FLT1: variants seen among roughly 807,000 people sequenced by gnomAD.
FLT1 encodes the protein fms related receptor tyrosine kinase 1, also known as vascular endothelial growth factor receptor 1.
Under a neutral mutation model 156.3 loss-of-function variants are expected in FLT1, and 49 were observed. That is an observed-to-expected ratio of 0.31 (90% CI 0.25 to 0.40). The LOEUF is 0.40. Ranked by LOEUF, FLT1 falls within the 10% of genes least tolerant of loss-of-function variation. The pLI, the probability that FLT1 is intolerant of heterozygous loss-of-function variation, is 1.00. For synonymous variants in FLT1, 594 were observed against 583.8 expected (o/e 1.02, Z -0.25); for missense variants, 1,322 against 1,637.2 (o/e 0.81, Z 3.32).
At chr13:28,351,370 T>C (rs975051334) in intron 15 of FLT1, among the ~76,000 whole-genome samples, 1 of 152,208 alleles carries the variant, frequency 6.6e-6, no homozygotes, top group Non-Finnish European at 1.5e-5. Flanking sequence ...AATAAAGATT[T>C]AGGTATGAAC....
rs767736901 is a variant in FLT1, at chr13:28,427,774, G to A, written c.1254C>T (p.Leu418=). 3.1e-6 allele frequency: 5 copies of A among 1,613,944 alleles called. No homozygotes were observed. Among genetic ancestry groups the A allele is most frequent in the Non-Finnish European group, 4.2e-6 (5 of 1,179,858 alleles). ...TACCATTGACAATTAGAGTGGCAGT[G>A]AGGTTTTTAAACACATTTGACTGTT... ...SIKQSNVFKN[L]TATLIVNVKP... Residue 418 remains leucine, a synonymous_variant, in exon 9 of 30, where the codon CTC becomes CTT. Transcript: ENST00000282397.
At chr13:28,351,381 G>T (rs977198141) in intron 15 of FLT1, among the ~76,000 whole-genome samples, 1 of 152,142 alleles carries the variant, frequency 6.6e-6, no homozygotes, top group Non-Finnish European at 1.5e-5. Context: ...AGGTATGAAC[G>T]AGAAGAAAAT....
intron 16 of FLT1, among the ~76,000 whole-genome samples, chr13:28,342,179 G>A (rs994093908): frequency 6.6e-6 from 1 of 152,064 alleles, no homozygotes; most frequent in African/African-American, 2.4e-5. Context: ...CACCGTGCCC[G>A]GCCCCTTTCC....
intron 13 of FLT1, 60 bp from the exon 14 acceptor site, chr13:28,385,091 G>T: frequency 3.9e-6 from 6 of 1,527,508 alleles, no homozygotes; most frequent in Non-Finnish European, 5.4e-6. Context: ...TATTGTCTAT[G>T]CATATCAACA....
At chr13:28,372,582 A>ATG (rs1873663157) in intron 14 of FLT1, among the ~76,000 whole-genome samples, 1 of 129,542 alleles carries the variant, frequency 7.7e-6, no homozygotes, top group Non-Finnish European at 1.7e-5. Context: ...ATATATATAT[A>ATG]TATATATATA....
chr13:28,314,595 T>C (rs943843247), intron 25 of FLT1, among the ~76,000 whole-genome samples: 1 of 152,158 alleles, frequency 6.6e-6, no homozygotes, highest in African/African-American at 2.4e-5. Context: ...CTTTCCAAGC[T>C]ATCACCCAAG....
Position 28,306,808 on chromosome 13 carries a change from G to A in FLT1, c.3721-36C>T, listed in dbSNP as rs370036546. The A allele has an allele frequency of 8.5e-6, 12 of 1,409,456 alleles. No homozygotes were observed. The African/African-American group carries it at 1.7e-4, about 20-fold the overall frequency. The allele number at this position is 1,409,456 out of a possible 1,614,324, so 87.3% of individuals were successfully genotyped here. A position where few individuals can be genotyped will look rare whatever the true frequency, so the allele number is the denominator to read the frequency against. Reference sequence around the variant, plus strand: ...AAGGAGAAAGGTTATACTCTTGCCTGGCCCAGCGGGGGTCCATGCTGAGCC... The same window carrying A: ...AAGGAGAAAGGTTATACTCTTGCCTAGCCCAGCGGGGGTCCATGCTGAGCC... On this transcript the variant is annotated intron_variant, in intron 28 of 29. Transcript: ENST00000282397.
At chr13:28,304,407 C>T (rs720661) in intron 29 of FLT1, among the ~76,000 whole-genome samples, 14,525 of 152,110 alleles carry the variant, frequency 0.095, 2,285 homozygotes, top group African/African-American at 0.33. Context: ...TTACTTGTGG[C>T]CGATGAGTTG....
intron 14 of FLT1, among the ~76,000 whole-genome samples, chr13:28,360,550 C>T (rs1593707928): frequency 6.6e-6 from 1 of 152,068 alleles, no homozygotes; most frequent in Non-Finnish European, 1.5e-5. Context: ...TATGGATGAA[C>T]CTAGAGGACA....
At chr13:28,317,040 A>G (rs934386668) in intron 25 of FLT1, among the ~76,000 whole-genome samples, 6 of 152,176 alleles carry the variant, frequency 3.9e-5, no homozygotes, top group African/African-American at 1.4e-4. Flanking sequence ...TGCAGACCAC[A>G]TCAACCCCCT....
intron 1 of FLT1, among the ~76,000 whole-genome samples, chr13:28,482,175 C>A (rs1469131358): frequency 1.3e-5 from 2 of 152,106 alleles, no homozygotes; most frequent in Non-Finnish European, 2.9e-5. Flanking sequence ...CAGACCTCGC[C>A]GGGTGTGGTG....
At chr13:28,426,051 TG>T (rs1265893599) in intron 10 of FLT1, among the ~76,000 whole-genome samples, 1 of 151,988 alleles carries the variant, frequency 6.6e-6, no homozygotes, top group Non-Finnish European at 1.5e-5. Context: ...GTTGGAATTG[TG>T]GGAAGAATCT....
chr13:28,474,485 GACACACACACACAC>G (rs57021123), intron 1 of FLT1, among the ~76,000 whole-genome samples: 5 of 112,468 alleles, frequency 4.4e-5, no homozygotes, highest in Admixed American at 2.9e-4. Flanking sequence ...AACAACCACA[GACACACACACACAC>G]ACACACACAC....
intron 3 of FLT1, among the ~76,000 whole-genome samples, chr13:28,465,379 C>T (rs761775085): frequency 9.2e-5 from 14 of 152,212 alleles, no homozygotes; most frequent in South Asian, 2.1e-4. Context: ...TTTGGAGGAT[C>T]GGGGACATGA....
intron 12 of FLT1, among the ~76,000 whole-genome samples, chr13:28,393,332 C>A (rs1038810285): frequency 3.3e-5 from 5 of 152,036 alleles, no homozygotes; most frequent in African/African-American, 1.2e-4. Context: ...AAGGGACAAG[C>A]ATAGGAATTT....
At position 28,494,923 on chromosome 13, in the gene FLT1, G is replaced by C. The variant is rs1881682390; in HGVS notation, c.-80C>G. On this transcript the variant is annotated 5_prime_UTR_variant, in exon 1 of 30. Coordinates refer to ENST00000282397, the MANE Select transcript of FLT1 (RefSeq NM_002019.4). ...CCCGGCCGCCAGAGTCCGTCCTCTC[G>C]TTCGCCGCCGCCGGCCCCGCGCCCT... 1 of 1,163,866 alleles carries C rather than the reference G, an allele frequency of 8.6e-7. No homozygotes were observed. Among genetic ancestry groups the C allele is most frequent in the Non-Finnish European group, 1.2e-6 (1 of 855,870 alleles). 72.1% of individuals were successfully genotyped at this position (1,163,866 alleles called of 1,614,324 possible).
At chr13:28,305,803 TTG>T (rs773333791) in intron 29 of FLT1, among the ~76,000 whole-genome samples, 6 of 152,208 alleles carry the variant, frequency 3.9e-5, no homozygotes, top group Non-Finnish European at 8.8e-5. Context: ...TTACCAGCGA[TTG>T]TCAGTGTCCG....
intron 14 of FLT1, chr13:28,368,173 G>A (rs751218934): frequency 3.9e-5 from 20 of 506,480 alleles, no homozygotes; most frequent in Non-Finnish European, 5.0e-5. Flanking sequence ...TGTTTTTTGA[G>A]ACGGAGTTTC....
In FLT1 at chr13:28,312,032, C is replaced by G. The variant is rs372303417; in HGVS notation, c.3453G>C (p.Val1151=). ...CTTGAAGCAAATCACCTAGTTTTTC[C>G]ACAAGTTCTGCAAATCTTGGCCTTT... ...PKERPRFAEL[V]EKLGDLLQAN... is the part of the protein sequence containing the mutation. Residue 1151 remains valine, a synonymous_variant, in exon 26 of 30, where the codon GTG becomes GTC. Coordinates refer to ENST00000282397, the MANE Select transcript of FLT1 (RefSeq NM_002019.4). 3.0e-5 allele frequency: 49 copies of G among 1,613,626 alleles called. No individual in the cohort carries two copies. The highest frequency in any genetic ancestry group is 4.0e-5 in the Non-Finnish European group (47 of 1,179,908).
Sources: allele counts gnomAD v4.1 joint callset (sites outside exome capture counted in the v4.1 genomes callset), GRCh38; gene constraint gnomAD v4.1.1; transcripts MANE v1.5; gene names NCBI Gene and HGNC (gene_info 2026-07-23, HGNC 2026-07-21).